Variants in DIDO1 observed in about 807,000 individuals in gnomAD.
The protein encoded by DIDO1 is death inducer-obliterator 1, also known as death-inducer obliterator 1.
A neutral mutation model predicts 99.4 loss-of-function variants in DIDO1; 16 were observed. The ratio of observed to expected loss-of-function variants is 0.16; its 90% confidence interval spans 0.11 to 0.24. The LOEUF is 0.24. Ranked by LOEUF, DIDO1 falls within the 10% of genes least tolerant of loss-of-function variation. The probability of loss-of-function intolerance (pLI) is 1.00; values close to 1 mark genes in which losing one functional copy is unlikely to be tolerated. For missense variants in DIDO1, 2,996 were observed against 3,014.0 expected (o/e 0.99, Z 0.14); for synonymous variants, 1,366 against 1,239.1 (o/e 1.10, Z -2.15).
chr20:62,910,726 TTC>T lies in DIDO1; in HGVS notation c.839+46_839+47del, dbSNP rs758671749. On this transcript the variant is annotated intron_variant, in intron 3 of 15. Transcript: ENST00000395343. Reference sequence around the variant, plus strand: ...CTTTAAAATGAAAACAAATGGAAAATTCTGTTTGCAACCCTGGGATTTCTGTG... The same window carrying T: ...CTTTAAAATGAAAACAAATGGAAAATTGTTTGCAACCCTGGGATTTCTGTG... 7 of 1,566,014 alleles carry T rather than the reference TTC, an allele frequency of 4.5e-6. No individual in the cohort carries two copies. In the South Asian group the frequency reaches 8.2e-5, roughly 18 times the overall value.
chr20:62,896,395 G>A lies in DIDO1; in HGVS notation c.2055-3C>T, dbSNP rs1268220183. 24 of 1,608,130 alleles carry A rather than the reference G, an allele frequency of 1.5e-5. No homozygotes were observed. The highest frequency in any genetic ancestry group is 2.0e-5 in the Non-Finnish European group (24 of 1,178,664). On this transcript the variant is annotated splice_region_variant and splice_polypyrimidine_tract_variant and intron_variant, in intron 7 of 15. Coordinates refer to ENST00000395343, the MANE Select transcript of DIDO1 (RefSeq NM_001193369.2). This position sits in a 1 kb window ranked among gnomAD's most constrained non-coding sequence, Gnocchi z 4.4. The stretch of plus-strand genomic sequence containing the variant: ...TTAAGTCATCGCTGTCATTGACTCT[G>A]AACAGAATAAAAAAAAGGAACTACA...
intron 1 of DIDO1, among the ~76,000 whole-genome samples, chr20:62,916,127 A>T (rs1330470956): frequency 6.6e-6 from 1 of 152,190 alleles, no homozygotes; most frequent in African/African-American, 2.4e-5. Context: ...TTGTGTGTAT[A>T]ATTAGTGTGT....
At chr20:62,906,277 C>T (rs531626853) in intron 5 of DIDO1, among the ~76,000 whole-genome samples, 177 bp from the exon 6 acceptor site, 6 of 152,174 alleles carry the variant, frequency 3.9e-5, no homozygotes, top group African/African-American at 1.2e-4. Context: ...GGTGGGCCCG[C>T]GGTGGGCCCG....
Position 62,896,195 on chromosome 20 carries a change from A to G in DIDO1, c.2214+38T>C. 6.3e-7 allele frequency: 1 copy of G among 1,598,312 alleles called. No homozygotes were observed. The highest frequency in any genetic ancestry group is 2.2e-5 in the East Asian group (1 of 44,762). On this transcript the variant is annotated intron_variant, in intron 8 of 15. Coordinates refer to ENST00000395343, the MANE Select transcript of DIDO1 (RefSeq NM_001193369.2). The surrounding 1 kb of genome is among the most constrained non-coding windows in gnomAD (Gnocchi z 4.4). Reference sequence around the variant, plus strand: ...GATCCCTTTAGCACCCAGCGAACAGAACAGGAATACTCCAATGCACCGACA... The same window carrying G: ...GATCCCTTTAGCACCCAGCGAACAGGACAGGAATACTCCAATGCACCGACA...
chr20:62,927,361 TC>T (rs2065274037), upstream of DIDO1, among the ~76,000 whole-genome samples: 1 of 152,196 alleles, frequency 6.6e-6, no homozygotes. Flanking sequence ...ATGTCAACCT[TC>T]CATGTGGATT....
chr20:62,915,200 C>T (rs1233317080), intron 1 of DIDO1, among the ~76,000 whole-genome samples: 2 of 152,150 alleles, frequency 1.3e-5, no homozygotes, highest in Non-Finnish European at 2.9e-5. Context: ...GACAACTGGG[C>T]ATAGTGTTTC....
At chr20:62,937,313 A>AAT (rs980842418) in intron 1 of DIDO1, among the ~76,000 whole-genome samples, 2 of 152,268 alleles carry the variant, frequency 1.3e-5, no homozygotes, top group Non-Finnish European at 2.9e-5. Context: ...GCGGACAGGC[A>AAT]ATAAGCAAGT....
intron 1 of DIDO1, chr20:62,937,672 C>T (rs1456362131): frequency 3.8e-5 from 15 of 392,928 alleles, no homozygotes; most frequent in Non-Finnish European, 5.8e-5. Context: ...GGACACTAGC[C>T]CTGGAAGGCC....
intron 15 of DIDO1, among the ~76,000 whole-genome samples, chr20:62,885,566 G>A (rs1422011353): frequency 6.6e-6 from 1 of 152,216 alleles, no homozygotes; most frequent in Non-Finnish European, 1.5e-5. Context: ...CAGCTGGCAC[G>A]TGTAAATGCT....
intron 1 of DIDO1, among the ~76,000 whole-genome samples, chr20:62,936,869 A>C (rs1325612329): frequency 6.6e-6 from 1 of 152,286 alleles, no homozygotes; most frequent in Middle Eastern, 3.2e-3. Flanking sequence ...CTCAAAATAA[A>C]TAACTAAATA....
intron 1 of DIDO1, among the ~76,000 whole-genome samples, chr20:62,917,465 T>C (rs1174299440): frequency 6.6e-6 from 1 of 152,214 alleles, no homozygotes; most frequent in Non-Finnish European, 1.5e-5. Flanking sequence ...ACAAATACTG[T>C]TCGTTTTTTC....
At chr20:62,930,219 A>T (rs1438781558), upstream of DIDO1, among the ~76,000 whole-genome samples, 2 of 63,512 alleles carry the variant, frequency 3.1e-5, no homozygotes, top group African/African-American at 2.2e-4. Flanking sequence ...ACAAACAAAC[A>T]AAAAAAAAAA....
rs1280237800 is a variant in DIDO1, at chr20:62,877,880, A to C, written c.*1353T>G. The C allele has an allele frequency of 6.6e-6, 1 of 152,236 alleles. No individual in the cohort carries two copies. The highest frequency in any genetic ancestry group is 1.9e-4 in the East Asian group (1 of 5,204). The allele number at this position is 152,236 out of a possible 1,614,324, so 9.4% of individuals were successfully genotyped here. ...CAAGTAAACTAAAGAAACACACTTG[A>C]TTTTTACATTTGTGTATTTAAATTA... is the stretch of plus-strand genomic sequence containing the variant. On this transcript the variant is annotated 3_prime_UTR_variant, in exon 16 of 16. Coordinates refer to ENST00000395343, the MANE Select transcript of DIDO1 (RefSeq NM_001193369.2).
At chr20:62,930,100 C>A (rs1264584877), upstream of DIDO1, among the ~76,000 whole-genome samples, 1 of 151,758 alleles carries the variant, frequency 6.6e-6, no homozygotes, top group African/African-American at 2.4e-5. Context: ...ATTAGCCGGG[C>A]GTGGTGGCAG....
chr20:62,937,190 G>A (rs2065398047), intron 1 of DIDO1, among the ~76,000 whole-genome samples: 1 of 152,222 alleles, frequency 6.6e-6, no homozygotes, highest in African/African-American at 2.4e-5. Context: ...ATGAAATCAG[G>A]AGCTGCCCCT....
chr20:62,905,484 G>T, intron 6 of DIDO1: 1 of 1,549,192 alleles, frequency 6.5e-7, no homozygotes, highest in Non-Finnish European at 8.7e-7. Context: ...AAAAACTGAA[G>T]CGTATACAGC....
rs750849525 is a variant in DIDO1, at chr20:62,880,552, C to A, written c.5404G>T (p.Ala1802Ser). 1.9e-6 allele frequency: 3 copies of A among 1,613,026 alleles called. No homozygotes were observed. Among genetic ancestry groups the A allele is most frequent in the South Asian group, 2.2e-5 (2 of 91,088 alleles). ...PRGPPPARFG[A>S]QKGPIPSLFS... ...AAGGAAGGGATGGGCCCCTTCTGGG[C>A]TCCGAATCTGGCTGGCGGAGGCCCT... is the stretch of plus-strand genomic sequence containing the variant. The change falls in exon 16 of 16, where the codon GCC becomes TCC. Residue 1802 changes from alanine (A) to serine (S), a missense_variant. By Grantham distance (99) the Ala-to-Ser change is moderately conservative. Coordinates refer to ENST00000395343, the MANE Select transcript of DIDO1 (RefSeq NM_001193369.2).
At position 62,881,500 on chromosome 20, in the gene DIDO1, T is replaced by C; in HGVS notation, c.4456A>G (p.Ile1486Val). Residue 1486 changes from isoleucine (I) to valine (V), a missense_variant, in exon 16 of 16, where the codon ATC becomes GTC. Coordinates refer to ENST00000395343, the MANE Select transcript of DIDO1 (RefSeq NM_001193369.2). This position sits in a 1 kb window ranked among gnomAD's most constrained non-coding sequence, Gnocchi z 8.3. ...TCCAGCTGTCTCTTCTGCTCCTCGA[T>C]CTGTTTGTTCAGCTCTTCTAGCATC... Reference protein sequence around the residue: ...QKMLEELNKQIEEQKRQLEEQ... With the variant: ...QKMLEELNKQVEEQKRQLEEQ... 6.2e-7 allele frequency: 1 copy of C among 1,610,910 alleles called. No homozygotes were observed. Among genetic ancestry groups the C allele is most frequent in the Non-Finnish European group, 8.5e-7 (1 of 1,180,006 alleles).
Position 62,896,188 on chromosome 20 carries a change from C to A in DIDO1, c.2214+45G>T. The stretch of plus-strand genomic sequence containing the variant: ...ATTGGTTGATCCCTTTAGCACCCAG[C>A]GAACAGAACAGGAATACTCCAATGC... On this transcript the variant is annotated intron_variant, in intron 8 of 15. Transcript: ENST00000395343. The surrounding 1 kb of genome is among the most constrained non-coding windows in gnomAD (Gnocchi z 4.4). The A allele has an allele frequency of 6.4e-7, 1 of 1,570,464 alleles. No individual in the cohort carries two copies. Among genetic ancestry groups the A allele is most frequent in the Non-Finnish European group, 8.6e-7 (1 of 1,157,638 alleles).
Sources: gnomAD v4.1 joint callset for allele counts (sites outside exome capture counted in the v4.1 genomes callset) on GRCh38, gnomAD v4.1.1 for gene constraint, Gnocchi (gnomAD v3.1) non-coding constraint, MANE v1.5 for transcripts, NCBI Gene and HGNC (gene_info 2026-07-23, HGNC 2026-07-21) for gene names.